PAPSS2: variants seen among roughly 807,000 people sequenced by gnomAD.
PAPSS2 encodes bifunctional 3'-phosphoadenosine 5'-phosphosulfate synthase 2.
A neutral mutation model predicts 66.5 loss-of-function variants in PAPSS2; 61 were observed. The observed-to-expected ratio is 0.92, with a 90% CI of 0.75 to 1.14. The LOEUF (loss-of-function observed/expected upper bound fraction) is 1.14, where lower values mean the gene tolerates loss of function less well. PAPSS2 is among the 50% of genes most tolerant of loss of function. The pLI, the probability that PAPSS2 is intolerant of heterozygous loss-of-function variation, is 0.00. For synonymous variants in PAPSS2, 289 were observed against 287.5 expected (o/e 1.01, Z -0.05); for missense variants, 708 against 789.6 (o/e 0.90, Z 1.24).
intron 1 of PAPSS2, among the ~76,000 whole-genome samples, chr10:87,689,366 C>T (rs1431029722): frequency 6.1e-5 from 9 of 147,806 alleles, no homozygotes; most frequent in Non-Finnish European, 1.0e-4. Context: ...CAAAAAAAAC[C>T]CACAAAGAAC....
intron 1 of PAPSS2, among the ~76,000 whole-genome samples, chr10:87,674,795 G>T (rs1334624572): frequency 6.6e-6 from 1 of 152,086 alleles, no homozygotes; most frequent in Non-Finnish European, 1.5e-5. Context: ...TTTTTAAAAA[G>T]CATTTTGTTA....
chr10:87,713,411 A>G (rs913292580), intron 3 of PAPSS2, 101 bp downstream of exon 3: 2 of 703,694 alleles, frequency 2.8e-6, no homozygotes, highest in Admixed American at 4.8e-5. Context: ...GGGAGGGCAT[A>G]AGAATGTCTC....
Position 87,734,682 on chromosome 10 carries a change from T to C in PAPSS2, c.1087-6553T>C, listed in dbSNP as rs1377362053. 1.6e-3 allele frequency among the ~76,000 whole-genome samples: 192 copies of C among 123,736 alleles called. 4 individuals are homozygous for C. Among genetic ancestry groups the C allele is most frequent in the Admixed American group, 3.8e-3 (48 of 12,506 alleles). The allele number at this position is 123,736 out of a possible 152,430, so 81.2% of individuals were successfully genotyped here. A position where few individuals can be genotyped will look rare whatever the true frequency, so the allele number is the denominator to read the frequency against. ...GTGTGTGTATATATATATATATATA[T>C]ATATATATATATATATATATATATG... On this transcript the variant is annotated intron_variant, in intron 9 of 12. Coordinates refer to ENST00000456849, the MANE Select transcript of PAPSS2 (RefSeq NM_001015880.2).
chr10:87,744,101 CA>C (rs60248954), intron 11 of PAPSS2, among the ~76,000 whole-genome samples: 31 of 141,306 alleles, frequency 2.2e-4, no homozygotes, highest in South Asian at 2.2e-4. Context: ...GACTTCGTCT[CA>C]AAAAAAAAAA....
intron 1 of PAPSS2, among the ~76,000 whole-genome samples, chr10:87,670,020 C>T (rs1042602447): frequency 5.3e-5 from 8 of 152,208 alleles, no homozygotes; most frequent in African/African-American, 1.9e-4. Context: ...CATTCCCCAG[C>T]ACTTTTATTA....
At chr10:87,683,364 G>A (rs1853048555) in intron 1 of PAPSS2, among the ~76,000 whole-genome samples, 1 of 152,110 alleles carries the variant, frequency 6.6e-6, no homozygotes, top group Admixed American at 6.5e-5. Context: ...GCCCACCTCA[G>A]CCTCCCAAAG....
intron 10 of PAPSS2, among the ~76,000 whole-genome samples, chr10:87,742,486 A>G (rs1853882119): frequency 6.6e-6 from 1 of 152,144 alleles, no homozygotes; most frequent in Admixed American, 6.5e-5. Context: ...TGATTTTTAT[A>G]TTCTATTTTG....
At chr10:87,725,097 CTACTT>C (rs1372077402) in intron 8 of PAPSS2, among the ~76,000 whole-genome samples, 3 of 152,240 alleles carry the variant, frequency 2.0e-5, no homozygotes, top group Middle Eastern at 3.4e-3. Flanking sequence ...GGAGGGTACT[CTACTT>C]TACTCAAAGT....
At chr10:87,707,906 G>T (rs972441993) in intron 1 of PAPSS2, among the ~76,000 whole-genome samples, 22 of 152,208 alleles carry the variant, frequency 1.4e-4, no homozygotes, top group Middle Eastern at 6.8e-3. Context: ...AAAAAAGTTG[G>T]TGCTTTCTTA....
chr10:87,698,167 T>G (rs1286098964), intron 1 of PAPSS2, among the ~76,000 whole-genome samples: 1 of 152,234 alleles, frequency 6.6e-6, no homozygotes, highest in African/African-American at 2.4e-5. Flanking sequence ...CTCTTTGACA[T>G]TAGTCTGTGG....
intron 1 of PAPSS2, among the ~76,000 whole-genome samples, chr10:87,676,325 A>C (rs865786356): frequency 6.6e-6 from 1 of 152,224 alleles, no homozygotes; most frequent in Non-Finnish European, 1.5e-5. Context: ...TGTATGTTCC[A>C]GTAGGACTAA....
chr10:87,737,538 G>A (rs542192668), intron 9 of PAPSS2, among the ~76,000 whole-genome samples: 2 of 151,994 alleles, frequency 1.3e-5, no homozygotes, highest in Non-Finnish European at 2.9e-5. Flanking sequence ...AACAACTCCC[G>A]CGGTCAGGCA....
intron 9 of PAPSS2, among the ~76,000 whole-genome samples, chr10:87,738,263 T>C (rs1267783717): frequency 1.3e-5 from 2 of 152,334 alleles, no homozygotes; most frequent in African/African-American, 4.8e-5. Context: ...CATATGGTAG[T>C]TCCATTTTTA....
intron 1 of PAPSS2, among the ~76,000 whole-genome samples, chr10:87,677,369 A>G (rs1343658794): frequency 6.6e-6 from 1 of 152,168 alleles, no homozygotes; most frequent in African/African-American, 2.4e-5. Flanking sequence ...AGTGAATTTG[A>G]CTGCAAATAT....
chr10:87,745,630 C>T (rs928985538), intron 12 of PAPSS2, among the ~76,000 whole-genome samples: 9 of 152,164 alleles, frequency 5.9e-5, no homozygotes, highest in East Asian at 1.9e-4. Context: ...ACAGTATAGG[C>T]GCATGGCAAA....
At chr10:87,721,028 T>TC (rs1318168602) in intron 7 of PAPSS2, among the ~76,000 whole-genome samples, 2 of 152,166 alleles carry the variant, frequency 1.3e-5, no homozygotes, top group Non-Finnish European at 2.9e-5. Flanking sequence ...TGGCTATTCT[T>TC]CCGCAGCTCT....
intron 1 of PAPSS2, among the ~76,000 whole-genome samples, chr10:87,678,539 T>C (rs1172215518): frequency 6.6e-6 from 1 of 152,066 alleles, no homozygotes; most frequent in Non-Finnish European, 1.5e-5. Flanking sequence ...TATTGCATAC[T>C]ATCTTCTGAC....
intron 1 of PAPSS2, among the ~76,000 whole-genome samples, chr10:87,665,482 A>T (rs1852804631): frequency 6.6e-6 from 1 of 152,094 alleles, no homozygotes; most frequent in East Asian, 1.9e-4. Flanking sequence ...AAGTGCTGGG[A>T]TTACAGGCGT....
Position 87,715,860 on chromosome 10 carries a change from G to T in PAPSS2, c.865+17G>T, listed in dbSNP as rs2302405. ...TGCTAGATGGTATGTTTTTGTTGTT[G>T]TTTCTTACTCTTTGTTGTTAAGGAA... On this transcript the variant is annotated intron_variant, in intron 7 of 12. Coordinates refer to ENST00000456849, the MANE Select transcript of PAPSS2 (RefSeq NM_001015880.2). 5.0e-5 allele frequency: 71 copies of T among 1,431,590 alleles called. No homozygotes were observed. Among genetic ancestry groups the T allele is most frequent in the Non-Finnish European group, 6.8e-5 (69 of 1,016,472 alleles). 88.7% of individuals were successfully genotyped at this position (1,431,590 alleles called of 1,614,324 possible). A position where few individuals can be genotyped will look rare whatever the true frequency, so the allele number is the denominator to read the frequency against.
Sources: allele counts gnomAD v4.1 joint callset (sites outside exome capture counted in the v4.1 genomes callset), GRCh38; gene constraint gnomAD v4.1.1; transcripts MANE v1.5; gene names NCBI Gene and HGNC (gene_info 2026-07-23, HGNC 2026-07-21).